Variants in RIMS1 observed in about 807,000 individuals in gnomAD.
The protein encoded by RIMS1 is regulating synaptic membrane exocytosis protein 1.
In RIMS1, 83 loss-of-function variants were observed where a neutral mutation model predicts 214.1. The ratio of observed to expected loss-of-function variants is 0.39; its 90% CI spans 0.32 to 0.47. The LOEUF is 0.47. RIMS1 is among the 20% of genes least tolerant of loss of function. The pLI is 0.99. For missense variants in RIMS1, 2,050 were observed against 2,161.8 expected (o/e 0.95, Z 1.03); for synonymous variants, 793 against 786.8 (o/e 1.01, Z -0.13).
chr6:72,137,974 G>A (rs948471634), intron 4 of RIMS1, among the ~76,000 whole-genome samples: 2 of 151,992 alleles, frequency 1.3e-5, no homozygotes, highest in African/African-American at 4.8e-5. Flanking sequence ...CTGACCTCGT[G>A]ATCCACCCGC....
intron 1 of RIMS1, among the ~76,000 whole-genome samples, chr6:71,955,221 C>T (rs1286263045): frequency 2.0e-5 from 3 of 151,714 alleles, no homozygotes; most frequent in Admixed American, 6.6e-5. Context: ...GGCTGGAGTG[C>T]GGTGGCATGA....
intron 1 of RIMS1, among the ~76,000 whole-genome samples, chr6:71,907,574 A>C (rs545339021): frequency 3.6e-4 from 55 of 152,272 alleles, no homozygotes; most frequent in Non-Finnish European, 5.9e-4. Flanking sequence ...GAAAGTTAAA[A>C]ATTTTTCTAA....
At chr6:72,081,504 C>T (rs1228464571) in intron 2 of RIMS1, among the ~76,000 whole-genome samples, 1 of 152,154 alleles carries the variant, frequency 6.6e-6, no homozygotes, top group Non-Finnish European at 1.5e-5. Flanking sequence ...ATGACTGCTC[C>T]TAGCTTTGTA....
At chr6:72,255,644 C>CA (rs2075486611) in intron 16 of RIMS1, among the ~76,000 whole-genome samples, 1 of 152,070 alleles carries the variant, frequency 6.6e-6, no homozygotes, top group Non-Finnish European at 1.5e-5. Context: ...AGAATGCCCT[C>CA]ATCTGAGGTG....
intron 26 of RIMS1, 90 bp downstream of exon 26, chr6:72,292,136 G>T: frequency 3.7e-6 from 3 of 801,698 alleles, no homozygotes; most frequent in Non-Finnish European, 5.8e-6. Flanking sequence ...ATAGTATTTT[G>T]ATTATATGTA....
intron 1 of RIMS1, among the ~76,000 whole-genome samples, chr6:71,966,020 C>T (rs990194869): frequency 1.3e-5 from 2 of 152,084 alleles, no homozygotes; most frequent in Non-Finnish European, 2.9e-5. Flanking sequence ...ACACAGTTTC[C>T]ATATGTTAAA....
At chr6:72,302,753 C>G (rs1303184189) in intron 26 of RIMS1, among the ~76,000 whole-genome samples, 1 of 151,404 alleles carries the variant, frequency 6.6e-6, no homozygotes, top group Middle Eastern at 3.2e-3. Context: ...AATATCCTGT[C>G]CAGGTGTTAT....
intron 23 of RIMS1, among the ~76,000 whole-genome samples, chr6:72,278,038 TC>T (rs1186062622): frequency 6.6e-6 from 1 of 152,150 alleles, no homozygotes; most frequent in Non-Finnish European, 1.5e-5. Flanking sequence ...AATGTTTTAT[TC>T]AAGAAAATGC....
intron 4 of RIMS1, among the ~76,000 whole-genome samples, chr6:72,169,978 T>A (rs144879619): frequency 2.6e-5 from 4 of 152,216 alleles, no homozygotes; most frequent in African/African-American, 9.6e-5. Flanking sequence ...TTACTCATCA[T>A]AAAAGTCAAA....
chr6:72,343,378 T>A (rs9446622), intron 29 of RIMS1, among the ~76,000 whole-genome samples: 2,697 of 151,510 alleles, frequency 0.018, 81 homozygotes, highest in African/African-American at 0.063. Context: ...CATATTATTA[T>A]TATTATTATT....
At chr6:71,987,036 A>G (rs557060342) in intron 2 of RIMS1, among the ~76,000 whole-genome samples, 7 of 152,250 alleles carry the variant, frequency 4.6e-5, no homozygotes, top group Non-Finnish European at 8.8e-5. Context: ...TTATATTTAC[A>G]TGACATACAG....
chr6:72,380,150 G>A (rs1286394252), intron 29 of RIMS1, among the ~76,000 whole-genome samples: 9 of 152,046 alleles, frequency 5.9e-5, no homozygotes, highest in Admixed American at 5.2e-4. Context: ...CGCAAGGATA[G>A]AAAACCAAAC....
intron 6 of RIMS1, among the ~76,000 whole-genome samples, chr6:72,233,493 C>A (rs2062793793): frequency 6.7e-6 from 1 of 148,964 alleles, no homozygotes; most frequent in Non-Finnish European, 1.5e-5. Context: ...CTAGGAGGGG[C>A]AGATTAACCC....
chr6:72,265,198 TGA>T, intron 20 of RIMS1, 146 bp downstream of exon 20: 7 of 623,572 alleles, frequency 1.1e-5, no homozygotes, highest in East Asian at 2.9e-5. Flanking sequence ...AATTATACAG[TGA>T]GAGACATTAA....
At chr6:72,124,341 CA>C (rs1339561021) in intron 4 of RIMS1, among the ~76,000 whole-genome samples, 1 of 151,914 alleles carries the variant, frequency 6.6e-6, no homozygotes, top group Non-Finnish European at 1.5e-5. Flanking sequence ...CTGAGAGATC[CA>C]CTGTTAGTCT....
chr6:72,166,965 A>C (rs1282385436), intron 4 of RIMS1, among the ~76,000 whole-genome samples: 1 of 151,978 alleles, frequency 6.6e-6, no homozygotes, highest in Non-Finnish European at 1.5e-5. Context: ...ACACTGGCGT[A>C]TAGAGGTTTA....
intron 4 of RIMS1, among the ~76,000 whole-genome samples, chr6:72,123,315 G>C (rs1480402410): frequency 6.6e-6 from 1 of 151,874 alleles, no homozygotes; most frequent in Non-Finnish European, 1.5e-5. Flanking sequence ...GTTCTAGTTT[G>C]ATTGCACTGT....
intron 1 of RIMS1, among the ~76,000 whole-genome samples, chr6:71,889,758 CT>C (rs1259576852): frequency 3.9e-5 from 6 of 152,132 alleles, no homozygotes; most frequent in Admixed American, 3.9e-4. Context: ...AGATGGTGGC[CT>C]TTTTAAAACT....
At chr6:71,989,667 A>G (rs1226837116) in intron 2 of RIMS1, among the ~76,000 whole-genome samples, 1 of 152,212 alleles carries the variant, frequency 6.6e-6, no homozygotes, top group Non-Finnish European at 1.5e-5. Context: ...GGTCGTAATC[A>G]TTGATCGATT....
Sources: gnomAD v4.1 joint callset for allele counts (sites outside exome capture counted in the v4.1 genomes callset) on GRCh38, gnomAD v4.1.1 for gene constraint, MANE v1.5 for transcripts, NCBI Gene and HGNC (gene_info 2026-07-23, HGNC 2026-07-21) for gene names.